Variants in DDR2 observed in about 807,000 individuals in gnomAD.
DDR2 encodes the protein discoidin domain-containing receptor 2.
A neutral mutation model predicts 94.9 loss-of-function variants in DDR2; 27 were observed. The ratio of observed to expected loss-of-function variants is 0.28; its 90% CI spans 0.21 to 0.39. The LOEUF is 0.39. Ranked by LOEUF, DDR2 falls within the 10% of genes least tolerant of loss-of-function variation. The pLI is 1.00. For synonymous variants in DDR2, 382 were observed against 377.2 expected (o/e 1.01, Z -0.15); for missense variants, 783 against 1,076.0 (o/e 0.73, Z 3.81).
At chr1:162,754,477 C>G (rs1571294433) in intron 4 of DDR2, 147 bp from the exon 5 acceptor site, 1 of 745,626 alleles carries the variant, frequency 1.3e-6, no homozygotes, top group Non-Finnish European at 2.3e-6. Flanking sequence ...ACTGTGGTGG[C>G]AGTGAAAACT....
intron 1 of DDR2, among the ~76,000 whole-genome samples, chr1:162,648,357 A>G (rs991615321): frequency 6.6e-6 from 1 of 152,312 alleles, no homozygotes; most frequent in Admixed American, 6.5e-5. Context: ...TGGCTGGTTC[A>G]GTTAACAGTG....
intron 3 of DDR2, among the ~76,000 whole-genome samples, chr1:162,748,186 A>G (rs1046205818): frequency 6.6e-6 from 1 of 152,230 alleles, no homozygotes; most frequent in East Asian, 1.9e-4. Context: ...AAATGCTCCA[A>G]TTAAAAGACA....
intron 1 of DDR2, among the ~76,000 whole-genome samples, chr1:162,641,725 G>T (rs6674132): frequency 2.0e-5 from 3 of 152,038 alleles, no homozygotes; most frequent in Non-Finnish European, 4.4e-5. Flanking sequence ...TGGTTATGCC[G>T]TTAAGATCAG....
Position 162,755,691 on chromosome 1 carries a change from C to G in DDR2, c.593C>G (p.Ala198Gly), listed in dbSNP as rs781298141. Reference sequence around the variant, plus strand: ...GGCTTGGTGTCTTACAATGCTCCAGCTGGGCAGCAGTTTGTACTCCCTGGA... The same window carrying G: ...GGCTTGGTGTCTTACAATGCTCCAGGTGGGCAGCAGTTTGTACTCCCTGGA... ...LDGLVSYNAP[A>G]GQQFVLPGGS... The change falls in exon 7 of 18, where the codon GCT becomes GGT. Residue 198 changes from alanine (A) to glycine (G), a missense_variant. Ala to Gly is a moderately conservative substitution (Grantham distance 60). This residue lies in a region of DDR2 where 519 missense variants were observed against 647.9 expected (regional missense o/e 0.80). Coordinates refer to ENST00000367921, the MANE Select transcript of DDR2 (RefSeq NM_006182.4). The G allele has an allele frequency of 1.3e-5, 21 of 1,614,170 alleles. No homozygotes were observed. The South Asian group carries it at 1.8e-4, about 14-fold the overall frequency.
At chr1:162,765,069 A>G (rs1663926323) in intron 9 of DDR2, among the ~76,000 whole-genome samples, 1 of 152,170 alleles carries the variant, frequency 6.6e-6, no homozygotes, top group South Asian at 2.1e-4. Flanking sequence ...AGATGCTCAA[A>G]GTCAGTGCCA....
chr1:162,697,256 G>A (rs1660236667), intron 2 of DDR2, among the ~76,000 whole-genome samples: 2 of 152,026 alleles, frequency 1.3e-5, no homozygotes, highest in African/African-American at 4.8e-5. Flanking sequence ...AAAAAATAAG[G>A]CTTGCCACTG....
chr1:162,649,649 G>A (rs954113504), intron 1 of DDR2, among the ~76,000 whole-genome samples: 5 of 152,228 alleles, frequency 3.3e-5, no homozygotes, highest in African/African-American at 1.2e-4. Flanking sequence ...AGAGCGGACA[G>A]TGACAAGAAG....
intron 3 of DDR2, among the ~76,000 whole-genome samples, chr1:162,728,316 T>C (rs908028789): frequency 6.6e-6 from 1 of 151,540 alleles, no homozygotes; most frequent in South Asian, 2.1e-4. Context: ...TCCAATGTCA[T>C]GCTAGTTGAG....
intron 2 of DDR2, among the ~76,000 whole-genome samples, chr1:162,677,664 A>G (rs896060957): frequency 6.6e-6 from 1 of 152,138 alleles, no homozygotes; most frequent in East Asian, 1.9e-4. Context: ...TTAATTTAGC[A>G]TCTTGGAACT....
intron 8 of DDR2, 55 bp downstream of exon 8, chr1:162,760,034 G>A (rs2102151399): frequency 6.2e-7 from 1 of 1,612,608 alleles, no homozygotes; most frequent in Non-Finnish European, 8.5e-7. Flanking sequence ...ATCATAGTGT[G>A]GTAGAGAAAA....
intron 2 of DDR2, among the ~76,000 whole-genome samples, chr1:162,713,561 A>T (rs758632525): frequency 3.9e-5 from 6 of 152,220 alleles, no homozygotes; most frequent in Non-Finnish European, 8.8e-5. Context: ...ATATAAATGT[A>T]CATGAGTGTG....
At chr1:162,694,016 C>T (rs1660073397) in intron 2 of DDR2, among the ~76,000 whole-genome samples, 2 of 152,216 alleles carry the variant, frequency 1.3e-5, no homozygotes, top group Non-Finnish European at 2.9e-5. Context: ...GCTGGGATTA[C>T]AGGAACATGC....
intron 8 of DDR2, among the ~76,000 whole-genome samples, chr1:162,760,589 GATATATGTATATACATA>G: frequency 2.1e-5 from 3 of 144,686 alleles, no homozygotes; most frequent in African/African-American, 7.7e-5. Flanking sequence ...TATACAACTA[GATATATGTATATACATA>G]TACAACTAGA....
rs1220316233 is a variant in DDR2 at position 162,767,222 on chromosome 1, G to A, written c.1163-7G>A. 1 of 1,613,854 alleles carries A rather than the reference G, an allele frequency of 6.2e-7. No homozygotes were observed. The highest frequency in any genetic ancestry group is 1.1e-5 in the South Asian group (1 of 91,080). Reference sequence around the variant, plus strand: ...TTGTATTCTCTGCCTTCTCTCCCTGGTCACAGATCCAATGCTTAAAGTTGA... The same window carrying A: ...TTGTATTCTCTGCCTTCTCTCCCTGATCACAGATCCAATGCTTAAAGTTGA... On this transcript the variant is annotated splice_polypyrimidine_tract_variant and splice_region_variant and intron_variant, in intron 10 of 17. Coordinates refer to ENST00000367921, the MANE Select transcript of DDR2 (RefSeq NM_006182.4).
chr1:162,741,061 T>C (rs959725455), intron 3 of DDR2, among the ~76,000 whole-genome samples: 1 of 151,842 alleles, frequency 6.6e-6, no homozygotes. Flanking sequence ...ACTTAATAGC[T>C]GTGGGCCTTC....
intron 3 of DDR2, among the ~76,000 whole-genome samples, chr1:162,719,657 T>G (rs1183355631): frequency 2.0e-5 from 3 of 152,180 alleles, no homozygotes; most frequent in Non-Finnish European, 4.4e-5. Flanking sequence ...TGAGCCCAAA[T>G]TTGTGGGATT....
intron 2 of DDR2, among the ~76,000 whole-genome samples, chr1:162,702,440 T>G (rs572157263): frequency 4.6e-5 from 7 of 152,202 alleles, no homozygotes; most frequent in Admixed American, 2.6e-4. Context: ...TTGTTGGCTC[T>G]TGGTTTTGAA....
rs951738733 is a variant in DDR2 at position 162,757,966 on chromosome 1, A to T, written c.672-1830A>T. 3.9e-5 allele frequency among the ~76,000 whole-genome samples: 6 copies of T among 152,264 alleles called. No homozygotes were observed. The East Asian group carries it at 1.2e-3, about 29-fold the overall frequency. Reference sequence around the variant, plus strand: ...TGACATTTATTTATTCGACAAATATATTTTGAGTGCTTACCTTGCGCCAAG... The same window carrying T: ...TGACATTTATTTATTCGACAAATATTTTTTGAGTGCTTACCTTGCGCCAAG... On this transcript the variant is annotated intron_variant, in intron 7 of 17. Coordinates refer to ENST00000367921, the MANE Select transcript of DDR2 (RefSeq NM_006182.4).
At chr1:162,667,381 G>T (rs2101930810) in intron 2 of DDR2, among the ~76,000 whole-genome samples, 1 of 152,344 alleles carries the variant, frequency 6.6e-6, no homozygotes, top group East Asian at 1.9e-4. Flanking sequence ...GACCCACACA[G>T]ATAGACTATG....
Sources: gnomAD v4.1 joint callset for allele counts (sites outside exome capture counted in the v4.1 genomes callset) on GRCh38, gnomAD v4.1.1 for gene constraint, gnomAD v4.1.1 regional missense constraint, MANE v1.5 for transcripts, NCBI Gene and HGNC (gene_info 2026-07-23, HGNC 2026-07-21) for gene names.